Variants in GNG7 observed in about 807,000 individuals in gnomAD.
The protein encoded by GNG7 is G protein subunit gamma 7.
A neutral mutation model predicts 4.0 loss-of-function variants in GNG7; 1 was observed. The ratio of observed to expected loss-of-function variants is 0.25; its 90% CI spans 0.09 to 1.18. The LOEUF (loss-of-function observed/expected upper bound fraction) is 1.18, where lower values mean the gene tolerates loss of function less well. GNG7 is among the 50% of genes most tolerant of loss of function. The pLI, the probability that GNG7 is intolerant of heterozygous loss-of-function variation, is 0.50. For missense variants in GNG7, 86 were observed against 91.9 expected, an observed-to-expected ratio of 0.94 and a Z score of 0.26; for synonymous variants, 34 against 36.9, an observed-to-expected ratio of 0.92 and a Z score of 0.29.
intron 1 of GNG7, among the ~76,000 whole-genome samples, chr19:2,684,759 C>T (rs1482517996): frequency 2.0e-5 from 3 of 152,010 alleles, no homozygotes; most frequent in African/African-American, 7.2e-5. Flanking sequence ...GAGGCCGAGG[C>T]GGGTGGATCA....
intron 2 of GNG7, among the ~76,000 whole-genome samples, chr19:2,584,286 T>TGAA (rs1980580964): frequency 1.7e-5 from 1 of 58,990 alleles, no homozygotes. Flanking sequence ...CCGCAAAGAA[T>TGAA]TAAAAAAAAA....
intron 2 of GNG7, among the ~76,000 whole-genome samples, chr19:2,612,734 CTG>C (rs1290400430): frequency 8.8e-6 from 1 of 113,412 alleles, no homozygotes. Flanking sequence ...GAGAGTCTTG[CTG>C]TGTCGCCCAG....
At chr19:2,642,437 C>T in intron 2 of GNG7, 1 of 320,234 alleles carries the variant, frequency 3.1e-6, no homozygotes, top group East Asian at 8.3e-5. Context: ...GCAATCATAG[C>T]CCACTGCAGC....
intron 3 of GNG7, among the ~76,000 whole-genome samples, chr19:2,531,162 G>A (rs1433970145): frequency 6.7e-6 from 1 of 150,044 alleles, no homozygotes; most frequent in East Asian, 2.0e-4. Flanking sequence ...AAAATTAGCT[G>A]GGCATGATGG....
At chr19:2,540,977 C>CA (rs1978941959) in intron 3 of GNG7, among the ~76,000 whole-genome samples, 1 of 152,242 alleles carries the variant, frequency 6.6e-6, no homozygotes, top group African/African-American at 2.4e-5. Flanking sequence ...AGAGAGCATG[C>CA]AGCCGGTGGA....
At position 2,626,763 on chromosome 19, in the gene GNG7, G is replaced by A. The variant is rs116462104; in HGVS notation, c.-78+19461C>T. 0.016 allele frequency among the ~76,000 whole-genome samples: 2,360 copies of A among 152,190 alleles called. 61 individuals carry two copies. Among genetic ancestry groups the A allele is most frequent in the African/African-American group, 0.053 (2,198 of 41,494 alleles). On this transcript the variant is annotated intron_variant, in intron 2 of 4. Coordinates refer to ENST00000382159, the MANE Select transcript of GNG7 (RefSeq NM_052847.3). This position sits in a 1 kb window ranked among gnomAD's most constrained non-coding sequence, Gnocchi z 5.0. Reference sequence around the variant, plus strand: ...GGGGGACATCTGTAATTGTCATGACGGAGGGAAGTGGGACCTTCCCTGACT... The same window carrying A: ...GGGGGACATCTGTAATTGTCATGACAGAGGGAAGTGGGACCTTCCCTGACT...
At chr19:2,599,645 C>G (rs1981138810) in intron 2 of GNG7, among the ~76,000 whole-genome samples, 1 of 152,108 alleles carries the variant, frequency 6.6e-6, no homozygotes. Flanking sequence ...TGCATGAAAA[C>G]CGGGGGTTAG....
intron 2 of GNG7, among the ~76,000 whole-genome samples, chr19:2,596,400 C>G (rs1340909485): frequency 6.6e-6 from 1 of 151,874 alleles, no homozygotes; most frequent in African/African-American, 2.4e-5. Context: ...CAGCGCGGGG[C>G]TCACACCTGC....
rs553577106 is a variant in GNG7, at chr19:2,512,511, G to A, written c.*2511C>T. On this transcript the variant is annotated 3_prime_UTR_variant, in exon 5 of 5. Transcript: ENST00000382159. This position sits in a 1 kb window ranked among gnomAD's most constrained non-coding sequence, Gnocchi z 4.7. ...TGGACAGTGAAGGAGAGGCCAGCCT[G>A]TCCTTCCCCTCCCCGAGCCTCAGTT... 1.9e-4 allele frequency: 56 copies of A among 293,830 alleles called. No individual in the cohort carries two copies. In the East Asian group the frequency reaches 7.4e-3, roughly 39 times the overall value. 18.2% of individuals were successfully genotyped at this position (293,830 alleles called of 1,614,324 possible). A position where few individuals can be genotyped will look rare whatever the true frequency, so the allele number is the denominator to read the frequency against.
chr19:2,602,467 G>C (rs1981230715), intron 2 of GNG7, among the ~76,000 whole-genome samples: 1 of 152,212 alleles, frequency 6.6e-6, no homozygotes, highest in African/African-American at 2.4e-5. Flanking sequence ...AGGGCGCTGG[G>C]GAGGAGCTGC....
intron 2 of GNG7, among the ~76,000 whole-genome samples, chr19:2,565,740 G>C (rs1389933254): frequency 6.6e-6 from 1 of 152,210 alleles, no homozygotes; most frequent in Non-Finnish European, 1.5e-5. Flanking sequence ...CCAGGTGACA[G>C]TTACCGGCAG....
chr19:2,642,830 G>T (rs1420474185), intron 2 of GNG7: 4 of 456,756 alleles, frequency 8.8e-6, no homozygotes, highest in Non-Finnish European at 4.4e-6. Context: ...CACCAAACCT[G>T]TGGCAGCCCC....
chr19:2,660,941 T>G (rs11084951), intron 1 of GNG7, among the ~76,000 whole-genome samples: 80,754 of 151,512 alleles, frequency 0.53, 22,001 homozygotes, highest in African/African-American at 0.66. Flanking sequence ...GCCGGGCACG[T>G]TGGCTCACAC....
At chr19:2,658,965 C>G (rs1048306871) in intron 1 of GNG7, among the ~76,000 whole-genome samples, 1 of 147,226 alleles carries the variant, frequency 6.8e-6, no homozygotes, top group East Asian at 2.2e-4. Context: ...ACGAACCAAG[C>G]GTTCTGATTT....
At chr19:2,651,274 CTCCCTCCCTCCA>C (rs1982809718) in intron 1 of GNG7, among the ~76,000 whole-genome samples, 1 of 85,474 alleles carries the variant, frequency 1.2e-5, no homozygotes, top group South Asian at 4.2e-4. Flanking sequence ...CCTTCCTTCC[CTCCCTCCCTCCA>C]TCCCTCCCTC....
intron 2 of GNG7, among the ~76,000 whole-genome samples, chr19:2,641,504 GGGA>G (rs972305866): frequency 6.6e-6 from 1 of 152,146 alleles, no homozygotes; most frequent in African/African-American, 2.4e-5. Flanking sequence ...GCTGTGAAGG[GGGA>G]GGAGGGGGCC....
chr19:2,558,945 T>C (rs1454059102), intron 2 of GNG7, among the ~76,000 whole-genome samples: 1 of 151,664 alleles, frequency 6.6e-6, no homozygotes, highest in Non-Finnish European at 1.5e-5. Flanking sequence ...ATTACAGGCA[T>C]GCACCACCAC....
At chr19:2,688,984 G>A (rs1017205558) in intron 1 of GNG7, among the ~76,000 whole-genome samples, 4 of 151,818 alleles carry the variant, frequency 2.6e-5, no homozygotes, top group African/African-American at 4.8e-5. Context: ...AGGATCGCTT[G>A]AGCCCAGGAG....
chr19:2,570,496 G>A (rs949557037), intron 2 of GNG7, among the ~76,000 whole-genome samples: 8 of 152,132 alleles, frequency 5.3e-5, no homozygotes, highest in Admixed American at 6.6e-5. Flanking sequence ...CACTGGGGAA[G>A]TGGCATCTGC....
Sources: allele counts gnomAD v4.1 joint callset (sites outside exome capture counted in the v4.1 genomes callset), GRCh38; gene constraint gnomAD v4.1.1; non-coding constraint Gnocchi (gnomAD v3.1); transcripts MANE v1.5; gene names NCBI Gene and HGNC (gene_info 2026-07-23, HGNC 2026-07-21).